HDAC9: variants seen among roughly 807,000 people sequenced by gnomAD.
HDAC9 encodes histone deacetylase 9.
HDAC9 carries 41 observed loss-of-function variants against 139.4 expected under a neutral mutation model. That is an observed-to-expected ratio of 0.29 (90% CI 0.23 to 0.38). HDAC9 has a LOEUF of 0.38. Among genes scored for constraint, HDAC9 ranks in the 10% least tolerant of loss-of-function variants. HDAC9 has a pLI of 1.00. For missense variants in HDAC9, 1,147 were observed against 1,297.0 expected (o/e 0.88, Z 1.78); for synonymous variants, 517 against 476.2 (o/e 1.09, Z -1.12).
intron 12 of HDAC9, among the ~76,000 whole-genome samples, chr7:18,672,741 A>T (rs1795740134): frequency 6.6e-6 from 1 of 152,022 alleles, no homozygotes; most frequent in South Asian, 2.1e-4. Context: ...CATTGTTTTT[A>T]AATATTCTTC....
At chr7:18,481,785 C>G (rs974690802) in intron 1 of HDAC9, among the ~76,000 whole-genome samples, 4 of 152,044 alleles carry the variant, frequency 2.6e-5, no homozygotes, top group African/African-American at 7.2e-5. Context: ...TAGTGTATAC[C>G]TTTAGCATAT....
chr7:18,894,334 T>A (rs1356714309), intron 22 of HDAC9, among the ~76,000 whole-genome samples: 6 of 152,084 alleles, frequency 3.9e-5, no homozygotes, highest in Non-Finnish European at 8.8e-5. Context: ...CATTATGACA[T>A]TGGAGCCATG....
intron 12 of HDAC9, among the ~76,000 whole-genome samples, chr7:18,706,873 A>C (rs1040864158): frequency 6.6e-5 from 10 of 152,200 alleles, no homozygotes; most frequent in Admixed American, 4.6e-4. Flanking sequence ...GCCTTGATAG[A>C]GTTAGGTCGA....
intron 6 of HDAC9, among the ~76,000 whole-genome samples, chr7:18,609,089 G>C (rs1377718286): frequency 6.6e-6 from 1 of 152,098 alleles, no homozygotes; most frequent in Non-Finnish European, 1.5e-5. Flanking sequence ...TTTTGAAGTA[G>C]GTAATACAGA....
rs189813801 is a variant in HDAC9 at position 18,637,616 on chromosome 7, G to A, written c.912+2874G>A. Among the ~76,000 whole-genome samples, 6 of 152,152 alleles carry A rather than the reference G, an allele frequency of 3.9e-5. No individual in the cohort carries two copies. The East Asian group carries it at 1.2e-3, about 29-fold the overall frequency. ...TGACAGGACATTCACCTCCAAATCT[G>A]GAAAGACGAGTTCAAAAGCAAGCAG... On this transcript the variant is annotated intron_variant, in intron 8 of 25. Transcript: ENST00000686413.
chr7:18,421,861 G>T (rs982140508), intron 1 of HDAC9, among the ~76,000 whole-genome samples: 2 of 152,194 alleles, frequency 1.3e-5, no homozygotes, highest in Admixed American at 1.3e-4. Context: ...AAGGCTGGTG[G>T]TTATTGTTTG....
At chr7:18,500,092 T>C (rs1433835076) in intron 2 of HDAC9, among the ~76,000 whole-genome samples, 1 of 151,988 alleles carries the variant, frequency 6.6e-6, no homozygotes, top group Non-Finnish European at 1.5e-5. Context: ...GAAATATAAT[T>C]ATAAATGGGC....
intron 1 of HDAC9, among the ~76,000 whole-genome samples, chr7:18,419,439 G>A (rs1418422800): frequency 2.0e-5 from 3 of 152,130 alleles, no homozygotes; most frequent in Non-Finnish European, 2.9e-5. Flanking sequence ...TGAGACCCCC[G>A]TTTGAGTCAG....
chr7:18,483,589 G>A (rs141014834), intron 1 of HDAC9, among the ~76,000 whole-genome samples: 5 of 152,250 alleles, frequency 3.3e-5, no homozygotes, highest in Non-Finnish European at 5.9e-5. Context: ...TACCCAGGTC[G>A]CCCTATGTTA....
intron 22 of HDAC9, among the ~76,000 whole-genome samples, chr7:18,900,258 A>G (rs1801576790): frequency 6.6e-6 from 1 of 152,210 alleles, no homozygotes; most frequent in Non-Finnish European, 1.5e-5. Context: ...TAGAAATCAA[A>G]GATAAATAAA....
intron 1 of HDAC9, among the ~76,000 whole-genome samples, chr7:18,367,047 TTTTTC>T: frequency 6.6e-6 from 1 of 152,114 alleles, no homozygotes; most frequent in South Asian, 2.1e-4. Flanking sequence ...TGTATGAGAT[TTTTTC>T]ATTTTCTTTC....
intron 6 of HDAC9, among the ~76,000 whole-genome samples, chr7:18,627,516 C>T (rs1025156916): frequency 1.3e-5 from 2 of 152,168 alleles, no homozygotes; most frequent in African/African-American, 2.4e-5. Flanking sequence ...TACATGTGTA[C>T]ATGAAAACAT....
chr7:18,775,940 T>C (rs2519741), intron 16 of HDAC9, among the ~76,000 whole-genome samples: 1,738 of 152,116 alleles, frequency 0.011, 25 homozygotes, highest in African/African-American at 0.04. Flanking sequence ...AATTTTTTGT[T>C]TGTTTGTTTG....
At chr7:18,690,097 G>T (rs1178958426) in intron 12 of HDAC9, among the ~76,000 whole-genome samples, 1 of 151,932 alleles carries the variant, frequency 6.6e-6, no homozygotes, top group Non-Finnish European at 1.5e-5. Context: ...AGTCCCACTG[G>T]TTCATTTCCA....
chr7:18,832,953 C>G (rs916180424), intron 19 of HDAC9, among the ~76,000 whole-genome samples: 1 of 152,030 alleles, frequency 6.6e-6, no homozygotes, highest in African/African-American at 2.4e-5. Context: ...TCAGGCTGGT[C>G]TCGAATTCCC....
At chr7:18,167,801 C>T (rs1354389625) in intron 2 of HDAC9, among the ~76,000 whole-genome samples, 1 of 152,176 alleles carries the variant, frequency 6.6e-6, no homozygotes, top group Non-Finnish European at 1.5e-5. Flanking sequence ...TCTAGCAGTA[C>T]TCCAGGAAGA....
intron 1 of HDAC9, among the ~76,000 whole-genome samples, chr7:18,138,183 G>T (rs1208483231): frequency 2.6e-5 from 4 of 152,068 alleles, no homozygotes; most frequent in Admixed American, 2.6e-4. Context: ...GCATCTATTT[G>T]ATTCTTCTCT....
Position 18,552,062 on chromosome 7 carries a change from T to A in HDAC9, c.23-33219T>A, listed in dbSNP as rs534477667. Among the ~76,000 whole-genome samples, 8 of 152,326 alleles carry A rather than the reference T, an allele frequency of 5.3e-5. No individual in the cohort carries two copies. In the East Asian group the frequency reaches 1.5e-3, roughly 29 times the overall value. On this transcript the variant is annotated intron_variant, in intron 2 of 25. Transcript: ENST00000686413. ...AAAAGATTAAGCATTTGGCTTGGAA[T>A]TATCAAGTAATCCTGTGTAGTAACT...
chr7:18,094,871 G>T (rs183486228), intron 1 of HDAC9, among the ~76,000 whole-genome samples: 15 of 152,282 alleles, frequency 9.9e-5, no homozygotes, highest in South Asian at 8.3e-4. Flanking sequence ...GGAATAGCCA[G>T]CCTGAGAGAA....
Sources: allele counts gnomAD v4.1 joint callset (sites outside exome capture counted in the v4.1 genomes callset), GRCh38; gene constraint gnomAD v4.1.1; transcripts MANE v1.5; gene names NCBI Gene and HGNC (gene_info 2026-07-23, HGNC 2026-07-21).